The following COL24A1 variants were observed in gnomAD, a reference collection of about 807,000 sequenced individuals.
COL24A1 encodes collagen alpha-1(XXIV) chain.
Under a neutral mutation model 253.9 loss-of-function variants are expected in COL24A1, and 224 were observed. That is an observed-to-expected ratio of 0.88 (90% CI 0.79 to 0.99). COL24A1 has a LOEUF of 0.99. Ranked by LOEUF, COL24A1 falls within the 50% of genes least tolerant of loss-of-function variation. COL24A1 has a pLI of 0.00. For synonymous variants in COL24A1, 685 were observed against 673.7 expected (o/e 1.02, Z -0.26); for missense variants, 2,131 against 2,068.5 (o/e 1.03, Z -0.59).
Position 85,935,378 on chromosome 1 carries a change from C to A in COL24A1, c.2563-23945G>T, listed in dbSNP as rs189492560. On this transcript the variant is annotated intron_variant, in intron 24 of 59. Coordinates refer to ENST00000370571, the MANE Select transcript of COL24A1 (RefSeq NM_152890.7). ...TTTTTTTCCATAGTGTTTCTTCAGA[C>A]CTTTTCATTGGAGGGTAATACTATG... Among the ~76,000 whole-genome samples, 56 of 147,534 alleles carry A rather than the reference C, an allele frequency of 3.8e-4. 9 individuals are homozygous for A. The East Asian group carries it at 9.2e-3, about 24-fold the overall frequency.
chr1:85,958,974 C>A (rs1315788531), intron 24 of COL24A1, among the ~76,000 whole-genome samples: 1 of 152,132 alleles, frequency 6.6e-6, no homozygotes, highest in Non-Finnish European at 1.5e-5. Flanking sequence ...AAATTGAATT[C>A]TAACTGGTAT....
intron 24 of COL24A1, among the ~76,000 whole-genome samples, chr1:85,958,979 T>C (rs924142623): frequency 6.6e-6 from 1 of 152,134 alleles, no homozygotes; most frequent in African/African-American, 2.4e-5. Context: ...GAATTCTAAC[T>C]GGTATAAATC....
At chr1:85,759,223 T>C (rs183780604) in intron 55 of COL24A1, among the ~76,000 whole-genome samples, 19 of 152,318 alleles carry the variant, frequency 1.2e-4, no homozygotes, top group Non-Finnish European at 5.9e-5. Context: ...GATGTTGCCT[T>C]TTTTGTATTC....
At chr1:85,872,818 A>C (rs1276523046) in intron 35 of COL24A1, among the ~76,000 whole-genome samples, 1 of 152,228 alleles carries the variant, frequency 6.6e-6, no homozygotes, top group Admixed American at 6.5e-5. Context: ...CAATGGCAAC[A>C]AAAGCCAAAA....
At chr1:85,953,228 C>A (rs772779506) in intron 24 of COL24A1, among the ~76,000 whole-genome samples, 9 of 152,158 alleles carry the variant, frequency 5.9e-5, no homozygotes, top group East Asian at 1.9e-4. Context: ...CCCTTGACAG[C>A]CTCTTCCAAC....
chr1:85,949,474 A>G (rs980127236), intron 24 of COL24A1, among the ~76,000 whole-genome samples: 5 of 152,196 alleles, frequency 3.3e-5, no homozygotes, highest in African/African-American at 1.2e-4. Flanking sequence ...ATTTCAAAAG[A>G]GAACTGAAAT....
At chr1:86,118,345 G>A (rs892765941) in intron 3 of COL24A1, among the ~76,000 whole-genome samples, 2 of 152,162 alleles carry the variant, frequency 1.3e-5, no homozygotes, top group Non-Finnish European at 2.9e-5. Context: ...TTACAGGCGT[G>A]AGCCACTGTG....
In COL24A1 at chr1:85,877,110, C is replaced by T. The variant is rs1558497429; in HGVS notation, c.3030+12G>A. 1 of 1,598,864 alleles carries T rather than the reference C, an allele frequency of 6.3e-7. No homozygotes were observed. Among genetic ancestry groups the T allele is most frequent in the African/African-American group, 1.3e-5 (1 of 74,370 alleles). On this transcript the variant is annotated intron_variant, in intron 33 of 59. Coordinates refer to ENST00000370571, the MANE Select transcript of COL24A1 (RefSeq NM_152890.7). ...AATATTTATGAAGAAGAACTAGCCA[C>T]AAAAAATTTACCTCCATGCCCATTT...
intron 23 of COL24A1, among the ~76,000 whole-genome samples, chr1:85,963,722 G>A (rs1691291448): frequency 6.6e-6 from 1 of 152,090 alleles, no homozygotes; most frequent in Admixed American, 6.6e-5. Flanking sequence ...AATTTCCTGT[G>A]TTTACTAGGT....
Position 85,782,705 on chromosome 1 carries a change from T to A in COL24A1, c.4284+791A>T, listed in dbSNP as rs1456225771. On this transcript the variant is annotated intron_variant, in intron 51 of 59. Coordinates refer to ENST00000370571, the MANE Select transcript of COL24A1 (RefSeq NM_152890.7). ...TTAATAGTTATTTAAGATACCTTTA[T>A]CCTACATCTGCACTGCTTCCCTTTT... 4.6e-5 allele frequency among the ~76,000 whole-genome samples: 7 copies of A among 152,340 alleles called. No individual in the cohort carries two copies. In the East Asian group the frequency reaches 1.3e-3, roughly 29 times the overall value.
chr1:86,116,551 G>A (rs1231157091), intron 3 of COL24A1, among the ~76,000 whole-genome samples: 1 of 151,920 alleles, frequency 6.6e-6, no homozygotes, highest in Non-Finnish European at 1.5e-5. Flanking sequence ...AGGAGGAGAG[G>A]GAAAATGGAT....
intron 35 of COL24A1, 44 bp from the exon 36 acceptor site, chr1:85,868,879 T>C: frequency 6.7e-6 from 9 of 1,348,046 alleles, no homozygotes; most frequent in Non-Finnish European, 9.3e-6. Flanking sequence ...TTTTTTGCTA[T>C]ATCATTTATC....
At chr1:86,011,169 CT>C (rs11313244) in intron 19 of COL24A1, among the ~76,000 whole-genome samples, 27,622 of 151,896 alleles carry the variant, frequency 0.18, 3,193 homozygotes, top group African/African-American at 0.32. Flanking sequence ...TATGAGTTTC[CT>C]TACATGGTTT....
chr1:85,878,867 C>A (rs2102632960), intron 32 of COL24A1, among the ~76,000 whole-genome samples: 1 of 152,224 alleles, frequency 6.6e-6, no homozygotes, highest in East Asian at 1.9e-4. Flanking sequence ...TTCTTCTATG[C>A]CATTTCTATA....
chr1:86,008,119 GA>G (rs1443261964), intron 19 of COL24A1, among the ~76,000 whole-genome samples: 1 of 152,082 alleles, frequency 6.6e-6, no homozygotes, highest in Admixed American at 6.5e-5. Context: ...CATACACATA[GA>G]TCCAAACAGA....
intron 57 of COL24A1, among the ~76,000 whole-genome samples, chr1:85,742,814 TA>T (rs1664801213): frequency 6.6e-6 from 1 of 152,178 alleles, no homozygotes; most frequent in African/African-American, 2.4e-5. Flanking sequence ...CCTGAGGTTG[TA>T]ATTTTTTTGA....
At chr1:86,141,869 G>T (rs72716190) in intron 2 of COL24A1, among the ~76,000 whole-genome samples, 11,755 of 151,790 alleles carry the variant, frequency 0.077, 565 homozygotes, top group East Asian at 0.21. Flanking sequence ...TCCGGCTAAT[G>T]TTTTTGTATT....
chr1:86,074,393 A>C (rs112458166), intron 7 of COL24A1, among the ~76,000 whole-genome samples: 10,551 of 152,246 alleles, frequency 0.069, 467 homozygotes, highest in Middle Eastern at 0.13. Context: ...GGATCAATGC[A>C]AAAAAAGAGC....
intron 2 of COL24A1, among the ~76,000 whole-genome samples, chr1:86,141,485 C>T (rs960886901): frequency 6.6e-6 from 1 of 152,096 alleles, no homozygotes; most frequent in African/African-American, 2.4e-5. Flanking sequence ...CCCCATCAAC[C>T]CAAGAACCTC....
Sources: gnomAD v4.1 joint callset for allele counts (sites outside exome capture counted in the v4.1 genomes callset) on GRCh38, gnomAD v4.1.1 for gene constraint, MANE v1.5 for transcripts, NCBI Gene and HGNC (gene_info 2026-07-23, HGNC 2026-07-21) for gene names.